SAMTOR: variants seen among roughly 807,000 people sequenced by gnomAD.
SAMTOR encodes the protein S-adenosylmethionine sensor upstream of mTORC1, also known as UPF0532 protein C7orf60.
the SAMTOR span, among the ~76,000 whole-genome samples, chr7:112,918,691 T>A: frequency 6.6e-6 from 1 of 152,136 alleles, no homozygotes; most frequent in African/African-American, 2.4e-5. Flanking sequence ...GTGTGCTGTA[T>A]TCAGGAAACC....
the SAMTOR span, among the ~76,000 whole-genome samples, chr7:112,889,355 C>T: frequency 1.3e-4 from 20 of 152,266 alleles, no homozygotes; most frequent in African/African-American, 4.6e-4. Context: ...ACATAAAATA[C>T]ACCAATAGTT....
At chr7:112,897,444 T>C in the SAMTOR span, among the ~76,000 whole-genome samples, 82 of 152,242 alleles carry the variant, frequency 5.4e-4, 3 homozygotes, top group East Asian at 0.012. Flanking sequence ...GCTACAAAAA[T>C]TGCAATTTTA....
chr7:112,902,428 A>C, the SAMTOR span, among the ~76,000 whole-genome samples: 1 of 54,414 alleles, frequency 1.8e-5, no homozygotes, highest in Non-Finnish European at 3.7e-5. Flanking sequence ...AAAAAAAAAA[A>C]CAAAAAAAAA....
chr7:112,918,232 G>C, the SAMTOR span, among the ~76,000 whole-genome samples: 1 of 152,350 alleles, frequency 6.6e-6, no homozygotes, highest in Non-Finnish European at 1.5e-5. Flanking sequence ...AAGCCCATCA[G>C]ACTAACAGCG....
the SAMTOR span, among the ~76,000 whole-genome samples, chr7:112,847,795 T>A: frequency 1.3e-5 from 2 of 150,424 alleles, no homozygotes; most frequent in Non-Finnish European, 2.9e-5. Flanking sequence ...AAAGAAAATA[T>A]TACAACTACA....
chr7:112,890,538 G>A, the SAMTOR span, among the ~76,000 whole-genome samples: 1 of 151,908 alleles, frequency 6.6e-6, no homozygotes, highest in Non-Finnish European at 1.5e-5. Flanking sequence ...ACCCGGAAAA[G>A]CATAGTCCAT....
chr7:112,861,460 T>C, the SAMTOR span, among the ~76,000 whole-genome samples: 1 of 152,170 alleles, frequency 6.6e-6, no homozygotes, highest in Admixed American at 6.5e-5. Flanking sequence ...AGACCCCATC[T>C]CAAGACAACA....
At chr7:112,904,404 C>T in the SAMTOR span, among the ~76,000 whole-genome samples, 4 of 152,018 alleles carry the variant, frequency 2.6e-5, no homozygotes, top group Non-Finnish European at 5.9e-5. Flanking sequence ...ATTCTATCTG[C>T]TATTTTTTAA....
the SAMTOR span, among the ~76,000 whole-genome samples, chr7:112,874,747 C>T: frequency 6.6e-6 from 1 of 152,054 alleles, no homozygotes. Context: ...AAAAACCTTA[C>T]CCTTCTTTTA....
the SAMTOR span, among the ~76,000 whole-genome samples, chr7:112,847,704 G>T: frequency 1.3e-5 from 2 of 152,138 alleles, no homozygotes; most frequent in Non-Finnish European, 2.9e-5. Context: ...CTTGAACGCG[G>T]GAGGCGGAGG....
At chr7:112,877,835 T>A in the SAMTOR span, among the ~76,000 whole-genome samples, 1 of 152,146 alleles carries the variant, frequency 6.6e-6, no homozygotes, top group South Asian at 2.1e-4. Context: ...CCCCCAAACT[T>A]GCTCCTGCTT....
the SAMTOR span, among the ~76,000 whole-genome samples, chr7:112,911,518 T>A: frequency 1.3e-5 from 2 of 151,762 alleles, no homozygotes; most frequent in Non-Finnish European, 2.9e-5. Context: ...AATGCCAGTA[T>A]AAAAACAGAA....
chr7:112,899,863 G>C, the SAMTOR span, among the ~76,000 whole-genome samples: 1 of 149,594 alleles, frequency 6.7e-6, no homozygotes, highest in Non-Finnish European at 1.5e-5. Flanking sequence ...AAACACAAAG[G>C]AGAAATATGT....
chr7:112,928,459 A>G, the SAMTOR span, among the ~76,000 whole-genome samples: 1 of 151,954 alleles, frequency 6.6e-6, no homozygotes, highest in Non-Finnish European at 1.5e-5. Flanking sequence ...GTCTATTAAA[A>G]CCAGGTGTGA....
chr7:112,852,490 G>A, the SAMTOR span, among the ~76,000 whole-genome samples: 1 of 151,942 alleles, frequency 6.6e-6, no homozygotes, highest in African/African-American at 2.4e-5. Context: ...GGGAGTGGGG[G>A]ATGGGAAACT....
chr7:112,827,773 G>A, the SAMTOR span, among the ~76,000 whole-genome samples: 4 of 152,230 alleles, frequency 2.6e-5, no homozygotes, highest in African/African-American at 9.6e-5. Context: ...CCAGGCTGGA[G>A]TGCAGTGGCA....
the SAMTOR span, among the ~76,000 whole-genome samples, chr7:112,854,625 A>T: frequency 6.6e-6 from 1 of 152,214 alleles, no homozygotes; most frequent in African/African-American, 2.4e-5. Context: ...GAAAAGCTAC[A>T]CAAAGAATGT....
At chr7:112,934,022 T>C in the SAMTOR span, among the ~76,000 whole-genome samples, 1 of 152,340 alleles carries the variant, frequency 6.6e-6, no homozygotes, top group Middle Eastern at 3.4e-3. Flanking sequence ...AGAAATATTA[T>C]AGTAAACATA....
the SAMTOR span, among the ~76,000 whole-genome samples, chr7:112,867,013 T>C: frequency 3.3e-5 from 5 of 152,218 alleles, no homozygotes; most frequent in African/African-American, 1.2e-4. Context: ...CCCCTGCATA[T>C]GCCATTGTCA....
Sources: allele counts gnomAD v4.1 joint callset (sites outside exome capture counted in the v4.1 genomes callset), GRCh38; gene constraint gnomAD v4.1.1; transcripts MANE v1.5; gene names NCBI Gene and HGNC (gene_info 2026-07-23, HGNC 2026-07-21).